HYCC1: variants seen among roughly 807,000 people sequenced by gnomAD.
HYCC1 encodes the protein hyccin.
At chr7:22,904,137 A>C in the HYCC1 span, among the ~76,000 whole-genome samples, 1 of 152,180 alleles carries the variant, frequency 6.6e-6, no homozygotes, top group African/African-American at 2.4e-5. Flanking sequence ...ACCTTAAAAA[A>C]ATATGTTTTT....
chr7:22,940,252 T>TG, the HYCC1 span: 2 of 133,972 alleles, frequency 1.5e-5, no homozygotes, highest in African/African-American at 5.8e-5. Flanking sequence ...TTTTTTTTTT[T>TG]TTTTTTTTTT....
At chr7:22,903,489 A>AAAT in the HYCC1 span, among the ~76,000 whole-genome samples, 1 of 152,218 alleles carries the variant, frequency 6.6e-6, no homozygotes, top group South Asian at 2.1e-4. Flanking sequence ...ACTCCTAGAA[A>AAAT]AATAAAACTT....
At chr7:22,978,269 C>T in the HYCC1 span, 1 of 1,613,846 alleles carries the variant, frequency 6.2e-7, no homozygotes, top group South Asian at 1.1e-5. Context: ...AAATACAAAC[C>T]AAATTGTAAA....
At chr7:22,938,183 G>A in the HYCC1 span, 2 of 152,020 alleles carry the variant, frequency 1.3e-5, no homozygotes, top group African/African-American at 4.8e-5. Flanking sequence ...TTTTGTTGTT[G>A]TTGTTTGTAG....
chr7:22,954,587 C>T, the HYCC1 span, among the ~76,000 whole-genome samples: 2 of 151,276 alleles, frequency 1.3e-5, no homozygotes, highest in African/African-American at 2.4e-5. Flanking sequence ...TGCAATAAAA[C>T]TGCTTTAACA....
the HYCC1 span, among the ~76,000 whole-genome samples, chr7:22,986,927 A>C: frequency 1.3e-5 from 2 of 152,196 alleles, no homozygotes; most frequent in African/African-American, 4.8e-5. Context: ...GTTTTTCAAA[A>C]ATGTAAGGAG....
At chr7:22,969,156 C>A in the HYCC1 span, among the ~76,000 whole-genome samples, 1 of 152,080 alleles carries the variant, frequency 6.6e-6, no homozygotes, top group Non-Finnish European at 1.5e-5. Flanking sequence ...ATCCAGCTGA[C>A]CCTGAGGCCA....
chr7:22,947,768 A>T, the HYCC1 span, among the ~76,000 whole-genome samples: 1 of 152,064 alleles, frequency 6.6e-6, no homozygotes, highest in East Asian at 1.9e-4. Flanking sequence ...ATTGAGACTG[A>T]CTTAATAAAC....
the HYCC1 span, among the ~76,000 whole-genome samples, chr7:22,958,585 T>C: frequency 1.3e-5 from 2 of 152,134 alleles, no homozygotes; most frequent in South Asian, 2.1e-4. Flanking sequence ...CTGGAAGATA[T>C]GTAAGAATCT....
At chr7:22,994,425 T>A in the HYCC1 span, among the ~76,000 whole-genome samples, 29 of 152,306 alleles carry the variant, frequency 1.9e-4, no homozygotes, top group African/African-American at 6.5e-4. Flanking sequence ...GGGCCTATCT[T>A]GTCGGTTCTG....
chr7:22,905,319 C>A, the HYCC1 span, among the ~76,000 whole-genome samples: 3 of 151,416 alleles, frequency 2.0e-5, no homozygotes, highest in Admixed American at 6.6e-5. Flanking sequence ...ATTCTCCTGT[C>A]TCAGCCTCCC....
At chr7:22,981,836 T>C in the HYCC1 span, among the ~76,000 whole-genome samples, 12,904 of 152,272 alleles carry the variant, frequency 0.085, 701 homozygotes, top group East Asian at 0.27. Flanking sequence ...ATGTTAGTCA[T>C]GTATTTCAGA....
At chr7:22,926,950 A>G in the HYCC1 span, among the ~76,000 whole-genome samples, 4 of 152,134 alleles carry the variant, frequency 2.6e-5, no homozygotes, top group African/African-American at 9.7e-5. Flanking sequence ...ACTCCTCAGC[A>G]AATGTAAAAG....
the HYCC1 span, among the ~76,000 whole-genome samples, chr7:22,983,180 T>C: frequency 6.6e-6 from 1 of 151,596 alleles, no homozygotes; most frequent in Admixed American, 6.6e-5. Flanking sequence ...AACACAAAAA[T>C]TGGCCAGGTG....
the HYCC1 span, among the ~76,000 whole-genome samples, chr7:22,969,909 T>C: frequency 6.6e-6 from 1 of 152,188 alleles, no homozygotes; most frequent in Non-Finnish European, 1.5e-5. Flanking sequence ...ATGGGACATG[T>C]TGACAGAGAT....
the HYCC1 span, among the ~76,000 whole-genome samples, chr7:22,972,960 C>G: frequency 6.6e-6 from 1 of 152,292 alleles, no homozygotes; most frequent in East Asian, 1.9e-4. Flanking sequence ...AAGACTGTAA[C>G]ACATTTGTCA....
chr7:22,905,567 C>T, the HYCC1 span, among the ~76,000 whole-genome samples: 1 of 151,628 alleles, frequency 6.6e-6, no homozygotes, highest in Non-Finnish European at 1.5e-5. Flanking sequence ...ACCATCTTTA[C>T]TTAATTTCTT....
At chr7:22,896,085 G>A in the HYCC1 span, among the ~76,000 whole-genome samples, 3 of 152,178 alleles carry the variant, frequency 2.0e-5, no homozygotes, top group Admixed American at 2.0e-4. Flanking sequence ...CACATCATTT[G>A]AGGTGCTATT....
chr7:22,983,937 T>C, the HYCC1 span: 2 of 1,496,270 alleles, frequency 1.3e-6, no homozygotes, highest in African/African-American at 2.8e-5. Context: ...ACCATAAAAG[T>C]ACTTACCTCA....
Sources: gnomAD v4.1 joint callset for allele counts (sites outside exome capture counted in the v4.1 genomes callset) on GRCh38, gnomAD v4.1.1 for gene constraint, MANE v1.5 for transcripts, NCBI Gene and HGNC (gene_info 2026-07-23, HGNC 2026-07-21) for gene names.